Variants in RGPD2 observed in about 807,000 individuals in gnomAD.
RGPD2 encodes the protein RANBP2 like and GRIP domain containing 2, also known as RANBP2-like and GRIP domain-containing protein 2.
Under a neutral mutation model 36.0 loss-of-function variants are expected in RGPD2, and 2 were observed. The observed-to-expected ratio is 0.06, with a 90% confidence interval of 0.02 to 0.17. The LOEUF (loss-of-function observed/expected upper bound fraction) is 0.17, where lower values mean the gene tolerates loss of function less well. Among genes scored for constraint, RGPD2 ranks in the 10% least tolerant of loss-of-function variants. RGPD2 has a pLI of 1.00. For synonymous variants in RGPD2, 19 were observed against 163.8 expected (o/e 0.12, Z 6.75); for missense variants, 40 against 464.3 (o/e 0.09, Z 8.40).
At chr2:87,962,459 T>C in the RGPD2 span, among the ~76,000 whole-genome samples, 11 of 152,194 alleles carry the variant, frequency 7.2e-5, no homozygotes, top group Admixed American at 2.0e-4. Flanking sequence ...ATTTCAACCA[T>C]ATTGGATGTG....
chr2:87,909,247 G>A, the RGPD2 span, among the ~76,000 whole-genome samples: 107 of 151,474 alleles, frequency 7.1e-4, no homozygotes, highest in African/African-American at 2.3e-3. Context: ...CAGTTTATGC[G>A]TCAGCAATTG....
chr2:87,932,721 G>C, the RGPD2 span, among the ~76,000 whole-genome samples: 2 of 151,926 alleles, frequency 1.3e-5, no homozygotes, highest in Non-Finnish European at 2.9e-5. Context: ...ACTTAGTTTG[G>C]CCAGATATAA....
chr2:87,805,815 G>A (rs1421847017), intron 7 of RGPD2, among the ~76,000 whole-genome samples: 18 of 145,960 alleles, frequency 1.2e-4, no homozygotes, highest in South Asian at 2.2e-4. Context: ...AGCCGAGATC[G>A]TGCCACTGCA....
chr2:87,915,340 A>ATGTATATTATATATATTGTATATATATAT, the RGPD2 span, among the ~76,000 whole-genome samples: 1 of 109,580 alleles, frequency 9.1e-6, no homozygotes, highest in Admixed American at 9.9e-5. Flanking sequence ...TTGTATATAT[A>ATGTATATTATATATATTGTATATATATAT]ATGTATATTA....
chr2:87,807,271 C>T (rs1685986127), intron 6 of RGPD2, among the ~76,000 whole-genome samples: 2 of 143,258 alleles, frequency 1.4e-5, no homozygotes, highest in African/African-American at 5.9e-5. Context: ...GTTGTAATTT[C>T]TCAAATTAGA....
upstream of RGPD2, among the ~76,000 whole-genome samples, chr2:87,829,697 A>G (rs1399815968): frequency 1.3e-5 from 2 of 151,990 alleles, no homozygotes; most frequent in African/African-American, 4.8e-5. Flanking sequence ...AGCAAGAGAA[A>G]AAAAACCCGC....
chr2:87,830,935 CA>C, the RGPD2 span, among the ~76,000 whole-genome samples: 1 of 152,110 alleles, frequency 6.6e-6, no homozygotes, highest in East Asian at 1.9e-4. Context: ...GGGACACCGT[CA>C]AACCATATCA....
At chr2:87,963,288 CTTT>C in the RGPD2 span, among the ~76,000 whole-genome samples, 1 of 146,566 alleles carries the variant, frequency 6.8e-6, no homozygotes, top group Non-Finnish European at 1.5e-5. Flanking sequence ...TTCCAAAGCT[CTTT>C]TTGTTAGCAC....
chr2:87,965,182 G>C, the RGPD2 span, among the ~76,000 whole-genome samples: 1 of 139,452 alleles, frequency 7.2e-6, no homozygotes, highest in Admixed American at 7.8e-5. Context: ...AAAATTATCA[G>C]TGGTAAAATC....
At chr2:87,886,466 G>A in the RGPD2 span, among the ~76,000 whole-genome samples, 6 of 151,776 alleles carry the variant, frequency 4.0e-5, no homozygotes, top group East Asian at 7.8e-4. Flanking sequence ...GTGCACTTAC[G>A]TTAAGTGACC....
chr2:87,985,636 G>A, the RGPD2 span: 129 of 1,169,804 alleles, frequency 1.1e-4, no homozygotes, highest in Middle Eastern at 2.7e-4. Context: ...AATATGGTAC[G>A]CCTATTATGT....
At chr2:87,873,240 T>A in the RGPD2 span, among the ~76,000 whole-genome samples, 1 of 140,038 alleles carries the variant, frequency 7.1e-6, no homozygotes, top group East Asian at 1.9e-4. Flanking sequence ...TCCTGTCTAC[T>A]ACTGATGGTC....
chr2:87,824,782 GGCCGAGGCCGAGGCCGCC>G (rs1686586656), intron 1 of RGPD2, among the ~76,000 whole-genome samples: 8 of 31,150 alleles, frequency 2.6e-4, no homozygotes, highest in Admixed American at 1.9e-3. Context: ...GCCAGGCCGA[GGCCGAGGCCGAGGCCGCC>G]GCCGCCGCCG....
intron 1 of RGPD2, among the ~76,000 whole-genome samples, 175 bp downstream of exon 1, chr2:87,825,468 GGCCGCCGTCGCCGCC>G (rs1258710403): frequency 4.8e-4 from 39 of 80,944 alleles, no homozygotes; most frequent in Non-Finnish European, 6.3e-4. Context: ...CCGAGGCCGA[GGCCGCCGTCGCCGCC>G]GCCGCCGCCC....
At chr2:87,824,724 GCCGCCCGGCC>G (rs1356536813) in intron 1 of RGPD2, among the ~76,000 whole-genome samples, 8 of 118,436 alleles carry the variant, frequency 6.8e-5, no homozygotes, top group Non-Finnish European at 1.6e-4. Flanking sequence ...GGCCGCCGCC[GCCGCCCGGCC>G]AGGCCGAGGC....
the RGPD2 span, among the ~76,000 whole-genome samples, chr2:87,986,614 T>C: frequency 6.6e-6 from 1 of 151,882 alleles, no homozygotes; most frequent in Non-Finnish European, 1.5e-5. Flanking sequence ...GCATGGTGAC[T>C]CACGCCTGTA....
the RGPD2 span, among the ~76,000 whole-genome samples, chr2:87,939,944 T>G: frequency 2.3e-3 from 353 of 150,836 alleles, no homozygotes; most frequent in African/African-American, 8.1e-3. Flanking sequence ...CCTAATATTC[T>G]TTAAGAGCAT....
the RGPD2 span, among the ~76,000 whole-genome samples, chr2:87,861,285 T>C: frequency 9.2e-5 from 14 of 151,970 alleles, no homozygotes; most frequent in Non-Finnish European, 1.9e-4. Flanking sequence ...ATTGCCTGGG[T>C]TTTATGAATG....
the RGPD2 span, among the ~76,000 whole-genome samples, chr2:87,877,292 T>C: frequency 6.6e-6 from 1 of 152,222 alleles, no homozygotes; most frequent in Non-Finnish European, 1.5e-5. Context: ...AGTTGCTTCA[T>C]TGTGCCATTG....
Sources: gnomAD v4.1 joint callset for allele counts (sites outside exome capture counted in the v4.1 genomes callset) on GRCh38, gnomAD v4.1.1 for gene constraint, MANE v1.5 for transcripts, NCBI Gene and HGNC (gene_info 2026-07-23, HGNC 2026-07-21) for gene names.